ANO3: variants seen among roughly 807,000 people sequenced by gnomAD.
The protein encoded by ANO3 is anoctamin 3, also known as anoctamin-3.
ANO3 carries 99 observed loss-of-function variants against 144.8 expected under a neutral mutation model. The observed-to-expected ratio is 0.68, with a 90% confidence interval of 0.58 to 0.81. The LOEUF is 0.81. Ranked by LOEUF, ANO3 falls within the 30% of genes least tolerant of loss-of-function variation. The pLI, the probability that ANO3 is intolerant of heterozygous loss-of-function variation, is 0.00. For missense variants in ANO3, 905 were observed against 1,202.2 expected (o/e 0.75, Z 3.66); for synonymous variants, 414 against 392.6 (o/e 1.05, Z -0.64).
At chr11:26,475,399 T>G (rs1327441630) in intron 4 of ANO3, among the ~76,000 whole-genome samples, 1 of 152,028 alleles carries the variant, frequency 6.6e-6, no homozygotes, top group Non-Finnish European at 1.5e-5. Context: ...TGATGGTACA[T>G]TGCTCATTGA....
rs922052278 is a variant in ANO3 at position 26,590,801 on chromosome 11, C to T, written c.1448-7564C>T. On this transcript the variant is annotated intron_variant, in intron 14 of 26. Coordinates refer to ENST00000256737, the MANE Select transcript of ANO3 (RefSeq NM_031418.4). Reference sequence around the variant, plus strand: ...GATCCGGAGGGGTGGAAGTCAGTGGCGGGTCTGCAAATGGCAGTGGTGGAC... The same window carrying T: ...GATCCGGAGGGGTGGAAGTCAGTGGTGGGTCTGCAAATGGCAGTGGTGGAC... Among the ~76,000 whole-genome samples the T allele has an allele frequency of 3.3e-5, 5 of 152,230 alleles. No individual in the cohort carries two copies. The East Asian group carries it at 5.8e-4, about 18-fold the overall frequency.
chr11:26,535,939 A>C (rs1348911462), intron 9 of ANO3, among the ~76,000 whole-genome samples: 1 of 152,012 alleles, frequency 6.6e-6, no homozygotes, highest in African/African-American at 2.4e-5. Context: ...TTAATAATTT[A>C]TTTATTACTG....
At chr11:26,195,426 C>A (rs964953094) in intron 1 of ANO3, among the ~76,000 whole-genome samples, 2 of 152,032 alleles carry the variant, frequency 1.3e-5, no homozygotes, top group Non-Finnish European at 2.9e-5. Flanking sequence ...CAAAAAGGAG[C>A]CAGAAAAAAA....
chr11:26,208,526 A>G (rs1851865201), intron 1 of ANO3, among the ~76,000 whole-genome samples: 1 of 151,760 alleles, frequency 6.6e-6, no homozygotes, highest in Admixed American at 6.6e-5. Context: ...AAAAAAAAAA[A>G]AGGAATTGCA....
At chr11:26,537,314 A>C (rs938919244) in intron 9 of ANO3, 92 bp from the exon 10 acceptor site, 15 of 1,042,388 alleles carry the variant, frequency 1.4e-5, no homozygotes, top group Non-Finnish European at 2.3e-5. Flanking sequence ...AAACTTTTTA[A>C]TCGATTCATT....
intron 3 of ANO3, among the ~76,000 whole-genome samples, chr11:26,447,292 T>C (rs2134030960): frequency 6.6e-6 from 1 of 150,880 alleles, no homozygotes; most frequent in East Asian, 2.0e-4. Context: ...TTTACTGGAC[T>C]CCTTATTATT....
At chr11:26,554,476 A>G (rs1565100135) in intron 13 of ANO3, among the ~76,000 whole-genome samples, 1 of 152,264 alleles carries the variant, frequency 6.6e-6, no homozygotes, top group South Asian at 2.1e-4. Flanking sequence ...TGTGATAGGT[A>G]TATGGTTAGC....
intron 1 of ANO3, among the ~76,000 whole-genome samples, chr11:26,355,123 A>G (rs1173352071): frequency 6.6e-6 from 1 of 151,296 alleles, no homozygotes; most frequent in African/African-American, 2.4e-5. Context: ...TTGGGACTTC[A>G]CTGTCTGATT....
chr11:26,254,162 G>C (rs922466446), intron 1 of ANO3, among the ~76,000 whole-genome samples: 1 of 152,170 alleles, frequency 6.6e-6, no homozygotes, highest in South Asian at 2.1e-4. Context: ...GGTGACTTAC[G>C]AGTACTTGTA....
chr11:26,553,007 A>AGTGTAAAAATGGCCTG (rs55886170), intron 12 of ANO3, among the ~76,000 whole-genome samples: 40 of 152,202 alleles, frequency 2.6e-4, no homozygotes, highest in Admixed American at 2.2e-3. Context: ...TTATCACACA[A>AGTGTAAAAATGGCCTG]TTATCTTGAC....
chr11:26,324,452 A>C (rs1854835855), intron 1 of ANO3, among the ~76,000 whole-genome samples: 1 of 152,192 alleles, frequency 6.6e-6, no homozygotes, highest in South Asian at 2.1e-4. Flanking sequence ...ATTTAAGGAA[A>C]TGTCTATCAA....
In ANO3 at chr11:26,537,412, G is replaced by A. The variant is rs766239304; in HGVS notation, c.983G>A (p.Arg328His). ...CCTTTTCTTCTCTTTGCAGGTATCC[G>A]TAAACTTATAAACAATGGCTCATAC... ...YENGISKVGI[R>H]KLINNGSYIA... Residue 328 changes from arginine to histidine, a missense_variant, in exon 10 of 27, where the codon CGT becomes CAT. By Grantham distance (29) the Arg-to-His change is conservative. Around this residue, in one of 4 missense-constraint regions of ANO3, gnomAD observed 597 missense variants for 865.1 expected, o/e 0.69. Coordinates refer to ENST00000256737, the MANE Select transcript of ANO3 (RefSeq NM_031418.4). 3.1e-6 allele frequency: 5 copies of A among 1,612,504 alleles called. No individual in the cohort carries two copies. Among genetic ancestry groups the A allele is most frequent in the Admixed American group, 1.7e-5 (1 of 59,990 alleles).
At position 26,648,606 on chromosome 11, in the gene ANO3, T is replaced by C. The variant is rs552555615; in HGVS notation, c.2576+750T>C. Among the ~76,000 whole-genome samples the C allele has an allele frequency of 2.0e-5, 3 of 152,292 alleles. No individual in the cohort carries two copies. In the South Asian group the frequency reaches 6.2e-4, roughly 32 times the overall value. On this transcript the variant is annotated intron_variant, in intron 24 of 26. Coordinates refer to ENST00000256737, the MANE Select transcript of ANO3 (RefSeq NM_031418.4). Reference sequence around the variant, plus strand: ...GCCAGATGTCCTCTGGGGGACAAAATGACCCAGTTTAGAACCACTGCTTTA... The same window carrying C: ...GCCAGATGTCCTCTGGGGGACAAAACGACCCAGTTTAGAACCACTGCTTTA...
intron 1 of ANO3, among the ~76,000 whole-genome samples, chr11:26,437,874 A>T (rs560750026): frequency 1.3e-5 from 2 of 152,364 alleles, no homozygotes; most frequent in South Asian, 4.1e-4. Context: ...ATTAGAATTT[A>T]ACATATTTAA....
At chr11:26,587,669 G>T (rs926428460) in intron 14 of ANO3, among the ~76,000 whole-genome samples, 7 of 152,102 alleles carry the variant, frequency 4.6e-5, no homozygotes, top group African/African-American at 9.6e-5. Context: ...GAGTTAAAAA[G>T]GTTGGGGCCA....
intron 1 of ANO3, among the ~76,000 whole-genome samples, chr11:26,221,953 A>T (rs1430042033): frequency 6.6e-6 from 1 of 152,178 alleles, no homozygotes; most frequent in Non-Finnish European, 1.5e-5. Context: ...GGGAACACAC[A>T]TCTAAACCAT....
At chr11:26,235,837 A>G (rs1277134381) in intron 1 of ANO3, among the ~76,000 whole-genome samples, 2 of 152,212 alleles carry the variant, frequency 1.3e-5, no homozygotes, top group Middle Eastern at 3.4e-3. Context: ...AAACACTACC[A>G]TAATTATATA....
At chr11:26,224,342 C>G (rs999372847) in intron 1 of ANO3, among the ~76,000 whole-genome samples, 7 of 152,236 alleles carry the variant, frequency 4.6e-5, no homozygotes, top group African/African-American at 1.7e-4. Context: ...GTCTGCCAGG[C>G]AGTCCACATC....
chr11:26,189,734 A>T (rs924058443), intron 1 of ANO3, among the ~76,000 whole-genome samples: 1 of 152,200 alleles, frequency 6.6e-6, no homozygotes, highest in Admixed American at 6.5e-5. Flanking sequence ...TCGTATGCAC[A>T]ATTATATAAA....
Sources: allele counts gnomAD v4.1 joint callset (sites outside exome capture counted in the v4.1 genomes callset), GRCh38; gene constraint gnomAD v4.1.1; regional missense constraint gnomAD v4.1.1; transcripts MANE v1.5; gene names NCBI Gene and HGNC (gene_info 2026-07-23, HGNC 2026-07-21).